The following DYNC2H1 variants were observed in gnomAD, a reference collection of about 807,000 sequenced individuals.
The protein encoded by DYNC2H1 is dynein cytoplasmic 2 heavy chain 1, also known as cytoplasmic dynein 2 heavy chain 1.
A neutral mutation model predicts 570.0 loss-of-function variants in DYNC2H1; 410 were observed. The ratio of observed to expected loss-of-function variants is 0.72; its 90% CI spans 0.66 to 0.78. The LOEUF is 0.78. Ranked by LOEUF, DYNC2H1 falls within the 30% of genes least tolerant of loss-of-function variation. The probability of loss-of-function intolerance (pLI) is 0.00; values close to 1 mark genes in which losing one functional copy is unlikely to be tolerated. For missense variants in DYNC2H1, 4,865 were observed against 5,046.4 expected (o/e 0.96, Z 1.09); for synonymous variants, 1,688 against 1,677.6 (o/e 1.01, Z -0.15).
chr11:103,123,316 G>GCA (rs1416685141), intron 11 of DYNC2H1, among the ~76,000 whole-genome samples: 20 of 151,752 alleles, frequency 1.3e-4, no homozygotes, highest in African/African-American at 3.9e-4. Context: ...AATATTATAT[G>GCA]CACACACACA....
intron 84 of DYNC2H1, among the ~76,000 whole-genome samples, chr11:103,426,847 A>G (rs1318010386): frequency 2.0e-5 from 3 of 152,240 alleles, no homozygotes; most frequent in Non-Finnish European, 4.4e-5. Context: ...TCTAATTTAT[A>G]TTAATAGCCA....
At chr11:103,433,028 T>C (rs913289810) in intron 84 of DYNC2H1, among the ~76,000 whole-genome samples, 2 of 152,154 alleles carry the variant, frequency 1.3e-5, no homozygotes, top group Admixed American at 1.3e-4. Context: ...TAACATGATA[T>C]ATAATTTATT....
intron 13 of DYNC2H1, among the ~76,000 whole-genome samples, chr11:103,130,598 C>T (rs1468444362): frequency 6.6e-6 from 1 of 151,984 alleles, no homozygotes; most frequent in Non-Finnish European, 1.5e-5. Context: ...TGGTGTACAT[C>T]CTTTCAAATA....
At chr11:103,119,197 T>C (rs1463679283) in intron 6 of DYNC2H1, among the ~76,000 whole-genome samples, 1 of 152,196 alleles carries the variant, frequency 6.6e-6, no homozygotes, top group Non-Finnish European at 1.5e-5. Flanking sequence ...ATAGTGTCAT[T>C]ATGAACCCAT....
intron 82 of DYNC2H1, among the ~76,000 whole-genome samples, chr11:103,356,750 C>G (rs1940363736): frequency 2.0e-5 from 3 of 152,302 alleles, no homozygotes; most frequent in East Asian, 1.9e-4. Context: ...GTCAAACACT[C>G]TGGAAGTAAC....
Position 103,158,780 on chromosome 11 carries a change from T to A in DYNC2H1, c.4231T>A (p.Cys1411Ser). Reference sequence around the variant, plus strand: ...AACAATACTTGATCAGCTTCAAAGATGTCAGAAATCATTAAATGAATTTTT... The same window carrying A: ...AACAATACTTGATCAGCTTCAAAGAAGTCAGAAATCATTAAATGAATTTTT... ...LLTILDQLQR[C>S]QKSLNEFLEE... Residue 1411 changes from cysteine to serine, a missense_variant, in exon 27 of 89, where the codon TGT becomes AGT. By Grantham distance (112) the Cys-to-Ser change is moderately radical. Transcript: ENST00000375735. 1 of 1,489,104 alleles carries A rather than the reference T, an allele frequency of 6.7e-7. No individual in the cohort carries two copies. Among genetic ancestry groups the A allele is most frequent in the Non-Finnish European group, 9.0e-7 (1 of 1,107,090 alleles). 92.2% of individuals were successfully genotyped at this position (1,489,104 alleles called of 1,614,324 possible).
At chr11:103,437,755 A>G (rs949288978) in intron 85 of DYNC2H1, among the ~76,000 whole-genome samples, 3 of 152,132 alleles carry the variant, frequency 2.0e-5, no homozygotes, top group African/African-American at 7.2e-5. Context: ...TGTACTTTTC[A>G]GTACTGTTTC....
At chr11:103,476,617 T>C (rs1446169456) in intron 88 of DYNC2H1, among the ~76,000 whole-genome samples, 2 of 152,166 alleles carry the variant, frequency 1.3e-5, no homozygotes, top group East Asian at 3.9e-4. Flanking sequence ...ACCTAGAGAA[T>C]ATGTCTTGTT....
chr11:103,236,376 C>A, intron 62 of DYNC2H1, 54 bp from the exon 63 acceptor site: 1 of 1,067,608 alleles, frequency 9.4e-7, no homozygotes, highest in Non-Finnish European at 1.5e-6. Context: ...ATTTCCTTCC[C>A]TTCATCAAGT....
chr11:103,109,874 T>C, intron 1 of DYNC2H1, 105 bp downstream of exon 1: 1 of 1,230,252 alleles, frequency 8.1e-7, no homozygotes, highest in Admixed American at 2.8e-5. Flanking sequence ...AACCAGATCC[T>C]TTTCAGGAAC....
rs1862016755 is a variant in DYNC2H1, at chr11:103,185,130, G to A, written c.6633+79G>A. 3.7e-6 allele frequency: 5 copies of A among 1,337,728 alleles called. No individual in the cohort carries two copies. Among genetic ancestry groups the A allele is most frequent in the African/African-American group, 1.5e-5 (1 of 68,454 alleles). 82.9% of individuals were successfully genotyped at this position (1,337,728 alleles called of 1,614,324 possible). Reference sequence around the variant, plus strand: ...CTTAACTGCCAAAACACAATGATTTGTAACTGTAAGATATGGAACTTTTAA... The same window carrying A: ...CTTAACTGCCAAAACACAATGATTTATAACTGTAAGATATGGAACTTTTAA... On this transcript the variant is annotated intron_variant, in intron 41 of 88. Coordinates refer to ENST00000375735, the MANE Select transcript of DYNC2H1 (RefSeq NM_001377.3). The surrounding 1 kb of genome is among the most constrained non-coding windows in gnomAD (Gnocchi z 4.5).
At chr11:103,357,732 C>T (rs762270684) in intron 82 of DYNC2H1, among the ~76,000 whole-genome samples, 4 of 152,170 alleles carry the variant, frequency 2.6e-5, no homozygotes, top group Non-Finnish European at 4.4e-5. Flanking sequence ...GTGGGAGGAT[C>T]GCTTGAGCCC....
At chr11:103,353,322 T>A (rs1447287836) in intron 82 of DYNC2H1, among the ~76,000 whole-genome samples, 1 of 152,222 alleles carries the variant, frequency 6.6e-6, no homozygotes, top group East Asian at 1.9e-4. Context: ...AATGATTGTC[T>A]GTTCTCCAGA....
intron 23 of DYNC2H1, 38 bp downstream of exon 23, chr11:103,154,644 T>C (rs1860727821): frequency 1.9e-6 from 3 of 1,573,358 alleles, no homozygotes; most frequent in Non-Finnish European, 2.6e-6. Flanking sequence ...AATAATTTGG[T>C]TGTTTTATTT....
chr11:103,173,253 A>G lies in DYNC2H1; in HGVS notation c.5506A>G (p.Lys1836Glu). ...AEVILYSEGF[K>E]DAKVLSRKLV... ...AGTTATTCTCTATTCGGAAGGCTTTAAAGACGCTAAAGTATTGAGCAGAAA... is the reference window on the plus strand; with the variant it reads ...AGTTATTCTCTATTCGGAAGGCTTTGAAGACGCTAAAGTATTGAGCAGAAA... Residue 1836 changes from lysine (K) to glutamate (E), a missense_variant, in exon 35 of 89, where the codon AAA becomes GAA. This residue lies in a region of DYNC2H1 where 292 missense variants were observed against 300.2 expected (regional missense o/e 0.97). Coordinates refer to ENST00000375735, the MANE Select transcript of DYNC2H1 (RefSeq NM_001377.3). The G allele has an allele frequency of 6.3e-7, 1 of 1,599,256 alleles. No homozygotes were observed. Among genetic ancestry groups the G allele is most frequent in the Non-Finnish European group, 8.5e-7 (1 of 1,173,052 alleles).
intron 61 of DYNC2H1, 52 bp downstream of exon 61, chr11:103,234,212 C>A (rs1864134175): frequency 6.5e-7 from 1 of 1,528,160 alleles, no homozygotes; most frequent in Non-Finnish European, 8.8e-7. Context: ...TGCAGGAAAT[C>A]TATAATGTAA....
intron 29 of DYNC2H1, among the ~76,000 whole-genome samples, chr11:103,162,276 C>T (rs1861125704): frequency 6.6e-6 from 1 of 151,600 alleles, no homozygotes; most frequent in South Asian, 2.1e-4. Context: ...CTGGAGAATG[C>T]TCTACAGATT....
chr11:103,137,273 T>C (rs1367125620), intron 17 of DYNC2H1, among the ~76,000 whole-genome samples: 1 of 146,776 alleles, frequency 6.8e-6, no homozygotes, highest in Admixed American at 6.9e-5. Context: ...GCCATTGCTT[T>C]TGGTGTTTTA....
intron 75 of DYNC2H1, among the ~76,000 whole-genome samples, chr11:103,294,226 A>G (rs1047406815): frequency 1.3e-5 from 2 of 152,062 alleles, no homozygotes; most frequent in Non-Finnish European, 2.9e-5. Flanking sequence ...TATTTAGTTC[A>G]TTTGCTGAGG....
Sources: gnomAD v4.1 joint callset for allele counts (sites outside exome capture counted in the v4.1 genomes callset) on GRCh38, gnomAD v4.1.1 for gene constraint, gnomAD v4.1.1 regional missense constraint, Gnocchi (gnomAD v3.1) non-coding constraint, MANE v1.5 for transcripts, NCBI Gene and HGNC (gene_info 2026-07-23, HGNC 2026-07-21) for gene names.